GABRA3: variants seen among roughly 807,000 people sequenced by gnomAD.
GABRA3 encodes gamma-aminobutyric acid type A receptor subunit alpha3.
A neutral mutation model predicts 30.1 loss-of-function variants in GABRA3; 10 were observed. The ratio of observed to expected loss-of-function variants is 0.33; its 90% CI spans 0.20 to 0.56. GABRA3 has a LOEUF of 0.56. GABRA3 is among the 20% of genes least tolerant of loss of function. The probability of loss-of-function intolerance (pLI) is 0.89; values close to 1 mark genes in which losing one functional copy is unlikely to be tolerated. For missense variants in GABRA3, 233 were observed against 392.0 expected, an observed-to-expected ratio of 0.59 and a Z score of 3.42; for synonymous variants, 151 against 146.8, an observed-to-expected ratio of 1.03 and a Z score of -0.21.
chrX:152,286,966 C>T (rs1368355435), intron 3 of GABRA3, among the ~76,000 whole-genome samples: 20 of 111,419 alleles, frequency 1.8e-4, no homozygotes. Flanking sequence ...CTTCAGAACC[C>T]AGAATATGCT....
Position 152,255,789 on chromosome X carries a change from G to C in GABRA3, c.540C>G (p.Leu180=), listed in dbSNP as rs766332263. The C allele has an allele frequency of 8.3e-7, 1 of 1,209,716 alleles. No homozygotes were observed. The highest frequency in any genetic ancestry group is 1.8e-5 in the South Asian group (1 of 56,927). ...CACCACTCTCTGACCTCATTGTATAGAGGAGGGTTCCGTTGTCCACCAATC... is the reference window on the plus strand; with the variant it reads ...CACCACTCTCTGACCTCATTGTATACAGGAGGGTTCCGTTGTCCACCAATC... ...LLRLVDNGTL[L]YTMRLTIHAE... The change falls in exon 5 of 10, where the codon CTC becomes CTG. Residue 180 remains leucine (L), a synonymous_variant. Coordinates refer to ENST00000370314, the MANE Select transcript of GABRA3 (RefSeq NM_000808.4).
At position 152,171,362 on chromosome X, in the gene GABRA3, C is replaced by T. The variant is rs1274118500; in HGVS notation, c.1144-2799G>A. Reference sequence around the variant, plus strand: ...TTTTTAAGTAGTAAGGGAAAATTACCTTTTAATTTCTTCCACCATTTTCAA... The same window carrying T: ...TTTTTAAGTAGTAAGGGAAAATTACTTTTTAATTTCTTCCACCATTTTCAA... On this transcript the variant is annotated intron_variant, in intron 9 of 9. Coordinates refer to ENST00000370314, the MANE Select transcript of GABRA3 (RefSeq NM_000808.4). 6.6e-6 allele frequency: 4 copies of T among 610,414 alleles called. No individual in the cohort carries two copies. The African/African-American group carries it at 9.9e-5, about 15-fold the overall frequency. The allele number at this position is 610,414 out of a possible 1,213,427, so 50.3% of individuals were successfully genotyped here.
chrX:152,449,746 T>C (rs1314941266), intron 1 of GABRA3, among the ~76,000 whole-genome samples: 1 of 111,983 alleles, frequency 8.9e-6, no homozygotes, highest in East Asian at 2.8e-4. Context: ...GCAGTAGTGC[T>C]TCATGGTTAA....
rs1296907207 is a variant in GABRA3 at position 152,417,010 on chromosome X, A to C, written c.-27+34136T>G. On this transcript the variant is annotated intron_variant, in intron 1 of 9. Transcript: ENST00000370314. ...ACACCAAAAGCAATGGCAACAAAAG[A>C]CAAAATTGACAAATGGGATCTAATT... 2.9e-3 allele frequency among the ~76,000 whole-genome samples: 296 copies of C among 102,973 alleles called. 2 individuals are homozygous for C. The South Asian group carries it at 0.038, about 13-fold the overall frequency. The allele number at this position is 102,973 out of a possible 115,157, so 89.4% of individuals were successfully genotyped here. A position where few individuals can be genotyped will look rare whatever the true frequency, so the allele number is the denominator to read the frequency against.
chrX:152,227,795 T>C (rs1259088377), intron 5 of GABRA3, among the ~76,000 whole-genome samples: 2 of 110,039 alleles, frequency 1.8e-5, no homozygotes, highest in East Asian at 5.8e-4. Context: ...ATTCATGGTG[T>C]TAAAGTGAGT....
intron 7 of GABRA3, among the ~76,000 whole-genome samples, chrX:152,199,882 C>T (rs1937457895): frequency 1.8e-5 from 2 of 110,602 alleles, no homozygotes; most frequent in South Asian, 7.8e-4. Flanking sequence ...ATCAATCAGC[C>T]AACTCTTCCA....
chrX:152,291,205 T>C (rs1269219715), intron 3 of GABRA3, among the ~76,000 whole-genome samples: 1 of 111,840 alleles, frequency 8.9e-6, no homozygotes, highest in Non-Finnish European at 1.9e-5. Context: ...CAATAGTTTG[T>C]AGCTCTCCTT....
chrX:152,263,631 A>C (rs1355249358), intron 4 of GABRA3, among the ~76,000 whole-genome samples: 2 of 111,301 alleles, frequency 1.8e-5, no homozygotes, highest in Non-Finnish European at 3.8e-5. Context: ...CTTAAAGAGG[A>C]GGTACAGAAA....
At chrX:152,327,910 G>A (rs933215353) in intron 3 of GABRA3, among the ~76,000 whole-genome samples, 2 of 111,245 alleles carry the variant, frequency 1.8e-5, no homozygotes, top group African/African-American at 6.5e-5. Context: ...AAAGAATCCA[G>A]GAGCAGGTTT....
intron 3 of GABRA3, among the ~76,000 whole-genome samples, chrX:152,300,192 G>A (rs1039469903): frequency 8.9e-6 from 1 of 112,488 alleles, no homozygotes; most frequent in Non-Finnish European, 1.9e-5. Flanking sequence ...GTATGGTACA[G>A]ATACAAGGCT....
At chrX:152,234,533 T>C (rs927910189) in intron 5 of GABRA3, among the ~76,000 whole-genome samples, 5 of 111,732 alleles carry the variant, frequency 4.5e-5, no homozygotes, top group Non-Finnish European at 9.4e-5. Flanking sequence ...ATCCTAGTCA[T>C]AAATTCTTTG....
chrX:152,175,839 C>A (rs1314268225), intron 9 of GABRA3, among the ~76,000 whole-genome samples: 1 of 110,448 alleles, frequency 9.1e-6, no homozygotes, highest in Non-Finnish European at 1.9e-5. Flanking sequence ...CCAAGGCGGG[C>A]AGATCATGAG....
chrX:152,427,387 T>TAAAAA (rs1930539252), intron 1 of GABRA3, among the ~76,000 whole-genome samples: 1 of 111,719 alleles, frequency 9.0e-6, no homozygotes, highest in African/African-American at 3.3e-5. Flanking sequence ...ATTTTGCCAT[T>TAAAAA]ATCAGGGCCT....
At chrX:152,352,368 G>A (rs1461856659) in intron 2 of GABRA3, among the ~76,000 whole-genome samples, 1 of 111,778 alleles carries the variant, frequency 8.9e-6, no homozygotes, top group East Asian at 2.8e-4. Context: ...ATAAATGAAG[G>A]TTGTTCATTA....
intron 2 of GABRA3, among the ~76,000 whole-genome samples, chrX:152,347,989 C>G (rs973103720): frequency 1.8e-5 from 2 of 111,096 alleles, no homozygotes; most frequent in Non-Finnish European, 3.8e-5. Context: ...AGAGCAAGAC[C>G]CTGTCTAAAA....
intron 2 of GABRA3, among the ~76,000 whole-genome samples, chrX:152,363,316 A>C (rs182587659): frequency 4.2e-4 from 47 of 112,259 alleles, no homozygotes; most frequent in Middle Eastern, 4.6e-3. Flanking sequence ...TGTAGTATTT[A>C]TTATTGGTAT....
chrX:152,218,365 T>C (rs1425156343), intron 6 of GABRA3, among the ~76,000 whole-genome samples: 2 of 111,046 alleles, frequency 1.8e-5, no homozygotes. Context: ...TTGAGTCTTA[T>C]TGTATAACCT....
chrX:152,328,201 T>C (rs1255091986), intron 3 of GABRA3, among the ~76,000 whole-genome samples: 1 of 111,640 alleles, frequency 9.0e-6, no homozygotes. Flanking sequence ...ATTGAGGCAA[T>C]AATTAATAGC....
chrX:152,403,544 G>C (rs1331070097), intron 1 of GABRA3, among the ~76,000 whole-genome samples: 1 of 85,026 alleles, frequency 1.2e-5, no homozygotes. Flanking sequence ...GCTTGTGTGT[G>C]TGCACACGTG....
Sources: gnomAD v4.1 joint callset for allele counts (sites outside exome capture counted in the v4.1 genomes callset) on GRCh38, gnomAD v4.1.1 for gene constraint, MANE v1.5 for transcripts, NCBI Gene and HGNC (gene_info 2026-07-23, HGNC 2026-07-21) for gene names.